Variants in COL24A1 observed in about 807,000 individuals in gnomAD.
The protein encoded by COL24A1 is collagen alpha-1(XXIV) chain.
COL24A1 carries 224 observed loss-of-function variants against 253.9 expected under a neutral mutation model. The observed-to-expected ratio is 0.88, with a 90% CI of 0.79 to 0.99. The LOEUF is 0.99. Ranked by LOEUF, COL24A1 falls within the 50% of genes least tolerant of loss-of-function variation. The pLI is 0.00. For missense variants in COL24A1, 2,131 were observed against 2,068.5 expected (o/e 1.03, Z -0.59); for synonymous variants, 685 against 673.7 (o/e 1.02, Z -0.26).
chr1:85,891,353 T>C (rs1253759292), intron 31 of COL24A1, among the ~76,000 whole-genome samples: 1 of 152,082 alleles, frequency 6.6e-6, no homozygotes, highest in East Asian at 1.9e-4. Flanking sequence ...CGTGAGCCTC[T>C]GCGCCCGGCC....
intron 45 of COL24A1, among the ~76,000 whole-genome samples, chr1:85,819,045 T>C (rs1673332090): frequency 6.6e-6 from 1 of 152,198 alleles, no homozygotes; most frequent in African/African-American, 2.4e-5. Context: ...CTCTAAGAGA[T>C]AAAAATCCAA....
intron 12 of COL24A1, among the ~76,000 whole-genome samples, chr1:86,041,109 TCTCC>T (rs1699440727): frequency 1.3e-5 from 2 of 152,134 alleles, no homozygotes; most frequent in Admixed American, 1.3e-4. Flanking sequence ...AGGAGCAGGC[TCTCC>T]TTTCTATAGT....
chr1:86,111,698 C>T (rs61802235), intron 5 of COL24A1, among the ~76,000 whole-genome samples: 21,529 of 152,106 alleles, frequency 0.14, 1,680 homozygotes, highest in South Asian at 0.24. Flanking sequence ...GCTGCTAACT[C>T]TTTGGGTCTG....
intron 2 of COL24A1, among the ~76,000 whole-genome samples, chr1:86,130,006 G>A (rs1219594826): frequency 6.6e-6 from 1 of 151,718 alleles, no homozygotes; most frequent in African/African-American, 2.4e-5. Context: ...TTTCTCTCTT[G>A]TGGTCTTTGC....
intron 20 of COL24A1, among the ~76,000 whole-genome samples, chr1:85,972,944 T>G (rs577842827): frequency 2.5e-4 from 38 of 152,244 alleles, no homozygotes; most frequent in African/African-American, 8.7e-4. Context: ...TTGTTTAGAG[T>G]CCTGAATTCA....
At chr1:85,983,780 A>AGTC (rs1693464240) in intron 20 of COL24A1, among the ~76,000 whole-genome samples, 1 of 151,870 alleles carries the variant, frequency 6.6e-6, no homozygotes, top group African/African-American at 2.4e-5. Flanking sequence ...TCTAGAAACA[A>AGTC]TTTCAACAAA....
chr1:85,785,337 T>C (rs1450972017), intron 48 of COL24A1, among the ~76,000 whole-genome samples: 1 of 152,216 alleles, frequency 6.6e-6, no homozygotes, highest in Non-Finnish European at 1.5e-5. Context: ...GAAATATCTT[T>C]CACACCATTT....
chr1:86,064,100 C>T (rs760160299), intron 7 of COL24A1, among the ~76,000 whole-genome samples: 5 of 151,996 alleles, frequency 3.3e-5, no homozygotes, highest in Non-Finnish European at 7.4e-5. Flanking sequence ...GTTAAGTTTG[C>T]TGAAGCTTTT....
At chr1:85,784,074 T>C (rs747159061) in intron 50 of COL24A1, 39 bp downstream of exon 50, 1 of 1,501,344 alleles carries the variant, frequency 6.7e-7, no homozygotes, top group Non-Finnish European at 9.1e-7. Flanking sequence ...CTTTTATTTC[T>C]AGATAGCTAG....
intron 37 of COL24A1, among the ~76,000 whole-genome samples, chr1:85,865,624 A>G (rs1317073639): frequency 1.3e-5 from 2 of 152,110 alleles, no homozygotes; most frequent in Admixed American, 6.5e-5. Flanking sequence ...ATTCTACGGT[A>G]TATGTTTAGA....
rs369567851 is a variant in COL24A1, at chr1:86,125,020, G to A, written c.1316C>T (p.Pro439Leu). The A allele has an allele frequency of 1.2e-6, 2 of 1,612,940 alleles. No homozygotes were observed. The highest frequency in any genetic ancestry group is 1.7e-6 in the Non-Finnish European group (2 of 1,179,620). ...TAGATCAAGGTGATTATCCACAGAT[G>A]GCTCATTTGTCACTCTATGCAAGCT... ...NTSLHRVTNE[P>L]SVDNHLDLRK... Residue 439 changes from proline (P) to leucine (L), a missense_variant, in exon 3 of 60, where the codon CCA becomes CTA. Physicochemically the swap from Pro to Leu is moderately conservative, Grantham distance 98. Transcript: ENST00000370571.
chr1:86,089,489 A>G (rs955781385), intron 6 of COL24A1, among the ~76,000 whole-genome samples: 17 of 152,168 alleles, frequency 1.1e-4, no homozygotes, highest in African/African-American at 3.9e-4. Flanking sequence ...CCTTGCTGTC[A>G]AACTTCGCCT....
chr1:85,754,806 G>A (rs1666038988), intron 55 of COL24A1, among the ~76,000 whole-genome samples: 1 of 151,958 alleles, frequency 6.6e-6, no homozygotes, highest in South Asian at 2.1e-4. Flanking sequence ...ATGAAGAAAA[G>A]TGAACAGAGA....
At chr1:85,939,859 C>T (rs1688577819) in intron 24 of COL24A1, among the ~76,000 whole-genome samples, 1 of 152,036 alleles carries the variant, frequency 6.6e-6, no homozygotes, top group Non-Finnish European at 1.5e-5. Flanking sequence ...TGAATCATAT[C>T]TGTTACTGAA....
intron 20 of COL24A1, among the ~76,000 whole-genome samples, chr1:85,974,490 T>C (rs1346427506): frequency 6.6e-6 from 1 of 152,116 alleles, no homozygotes; most frequent in Non-Finnish European, 1.5e-5. Context: ...CACTGAAGAA[T>C]ATGCATAGTA....
At chr1:86,039,064 G>A (rs1699251733) in intron 12 of COL24A1, among the ~76,000 whole-genome samples, 1 of 152,148 alleles carries the variant, frequency 6.6e-6, no homozygotes, top group Non-Finnish European at 1.5e-5. Context: ...TGACTGTCTA[G>A]GATTATGGGG....
At chr1:85,777,117 T>A (rs1278417813) in intron 52 of COL24A1, among the ~76,000 whole-genome samples, 1 of 151,852 alleles carries the variant, frequency 6.6e-6, no homozygotes, top group Non-Finnish European at 1.5e-5. Flanking sequence ...GCCCAGATAA[T>A]TTTTGTATTT....
At chr1:85,859,944 C>T (rs573234403) in intron 37 of COL24A1, among the ~76,000 whole-genome samples, 121 of 152,084 alleles carry the variant, frequency 8.0e-4, no homozygotes, top group Middle Eastern at 3.4e-3. Flanking sequence ...ATAGCAAGAC[C>T]GCATCTCTTT....
At chr1:86,056,894 A>C (rs1336024565) in intron 10 of COL24A1, among the ~76,000 whole-genome samples, 4 of 152,028 alleles carry the variant, frequency 2.6e-5, no homozygotes, top group African/African-American at 4.8e-5. Context: ...ACAACAACAA[A>C]AAATATTGCA....
Sources: allele counts gnomAD v4.1 joint callset (sites outside exome capture counted in the v4.1 genomes callset), GRCh38; gene constraint gnomAD v4.1.1; transcripts MANE v1.5; gene names NCBI Gene and HGNC (gene_info 2026-07-23, HGNC 2026-07-21).